ISLR2: variants seen among roughly 807,000 people sequenced by gnomAD.
ISLR2 encodes the protein immunoglobulin superfamily containing leucine-rich repeat protein 2.
In ISLR2, 16 loss-of-function variants were observed where a neutral mutation model predicts 25.5. That is an observed-to-expected ratio of 0.63 (90% confidence interval 0.43 to 0.95). The LOEUF is 0.95. ISLR2 is among the 40% of genes least tolerant of loss of function. The pLI is 0.00. For missense variants in ISLR2, 883 were observed against 1,030.7 expected (o/e 0.86, Z 1.96); for synonymous variants, 508 against 486.6 (o/e 1.04, Z -0.58).
At chr15:74,114,484 G>A (rs2072195265) in intron 2 of ISLR2, among the ~76,000 whole-genome samples, 1 of 152,128 alleles carries the variant, frequency 6.6e-6, no homozygotes, top group African/African-American at 2.4e-5. Context: ...TAGGCCGGGT[G>A]CAGTGGCTCA....
downstream of ISLR2, among the ~76,000 whole-genome samples, chr15:74,137,946 T>A (rs184167710): frequency 5.0e-4 from 76 of 152,250 alleles, no homozygotes; most frequent in African/African-American, 1.8e-3. Flanking sequence ...TTTCTTTCTT[T>A]TTTTTTTATT....
At chr15:74,108,562 C>T (rs943249749) in intron 2 of ISLR2, among the ~76,000 whole-genome samples, 2 of 152,234 alleles carry the variant, frequency 1.3e-5, no homozygotes, top group African/African-American at 2.4e-5. Context: ...CCTGGCTTTC[C>T]TGTGAAAAGT....
chr15:74,125,499 C>T (rs898110745), upstream of ISLR2, among the ~76,000 whole-genome samples: 5 of 152,332 alleles, frequency 3.3e-5, no homozygotes, highest in East Asian at 9.6e-4. Flanking sequence ...CTTGGCATCC[C>T]AAAGTGCTGG....
intron 2 of ISLR2, among the ~76,000 whole-genome samples, chr15:74,106,377 G>C (rs1359395830): frequency 6.6e-6 from 1 of 152,124 alleles, no homozygotes; most frequent in Non-Finnish European, 1.5e-5. Context: ...TGATCATCAT[G>C]CCTTTTTTGC....
upstream of ISLR2, among the ~76,000 whole-genome samples, chr15:74,123,659 A>G (rs543601994): frequency 3.3e-5 from 5 of 152,284 alleles, no homozygotes; most frequent in South Asian, 2.1e-4. Flanking sequence ...TCAACAGTAA[A>G]AGTGCCTCTC....
At chr15:74,118,865 G>A (rs1344678418) in intron 2 of ISLR2, among the ~76,000 whole-genome samples, 1 of 151,952 alleles carries the variant, frequency 6.6e-6, no homozygotes, top group Non-Finnish European at 1.5e-5. Flanking sequence ...CACTGTGTTA[G>A]CCAGGATGGT....
chr15:74,118,180 G>A (rs1046842819), intron 2 of ISLR2, among the ~76,000 whole-genome samples: 1 of 152,084 alleles, frequency 6.6e-6, no homozygotes, highest in Non-Finnish European at 1.5e-5. Flanking sequence ...GGTGTCCGGG[G>A]GAGACATCAC....
At chr15:74,120,592 G>C (rs1380303405) in intron 2 of ISLR2, among the ~76,000 whole-genome samples, 1 of 151,934 alleles carries the variant, frequency 6.6e-6, no homozygotes, top group African/African-American at 2.4e-5. Flanking sequence ...GGTGTGGCTG[G>C]GTTTACGGTG....
At position 74,134,331 on chromosome 15, in the gene ISLR2, C is replaced by T; in HGVS notation, c.1577C>T (p.Pro526Leu). 6.4e-7 allele frequency: 1 copy of T among 1,560,420 alleles called. No individual in the cohort carries two copies. The highest frequency in any genetic ancestry group is 1.4e-5 in the African/African-American group (1 of 73,970). Residue 526 changes from proline (P) to leucine (L), a missense_variant, in exon 3 of 3, where the codon CCC becomes CTC. Pro to Leu is a moderately conservative substitution (Grantham distance 98). Around this residue, in one of 2 missense-constraint regions of ISLR2, gnomAD observed 612 missense variants for 642.8 expected, o/e 0.95. Coordinates refer to ENST00000453268, the MANE Select transcript of ISLR2 (RefSeq NM_020851.3). ...GGAGCCCCGCGACCCGGGCGGCGAC[C>T]CCTGCGCCTACTCTATCTGTGTCCA... ...AGGAPRPGRR[P>L]LRLLYLCPAG... is the part of the protein sequence containing the mutation.
chr15:74,122,119 A>T (rs2072257747), intron 2 of ISLR2, among the ~76,000 whole-genome samples: 1 of 152,212 alleles, frequency 6.6e-6, no homozygotes, highest in Non-Finnish European at 1.5e-5. Context: ...CACAGCCACC[A>T]GGCTTGGCAC....
chr15:74,129,127 GGTGT>G, upstream of ISLR2: 3 of 450,122 alleles, frequency 6.7e-6, no homozygotes, highest in Non-Finnish European at 4.5e-6. The surrounding 1 kb of genome is among the most constrained non-coding windows in gnomAD (Gnocchi z 4.5). Context: ...CCGAGCAGGC[GGTGT>G]GAAGTTCTGT....
At position 74,133,198 on chromosome 15, in the gene ISLR2, C is replaced by T. The variant is rs1389958768; in HGVS notation, c.444C>T (p.Asp148=). Residue 148 remains aspartate (D), a synonymous_variant, in exon 3 of 3, where the codon GAC becomes GAT. Coordinates refer to ENST00000453268, the MANE Select transcript of ISLR2 (RefSeq NM_020851.3). The part of the protein sequence containing the change: ...LPRDALGALP[D]LRSLRINNNR... ...GGGACGCACTCGGTGCGCTACCCGA[C>T]CTGCGTTCCCTGCGCATCAACAACA... 4 of 1,612,998 alleles carry T rather than the reference C, an allele frequency of 2.5e-6. No individual in the cohort carries two copies. The East Asian group carries it at 6.7e-5, about 27-fold the overall frequency.
chr15:74,102,277 G>GA (rs1389300384), intron 1 of ISLR2, among the ~76,000 whole-genome samples: 1 of 113,124 alleles, frequency 8.8e-6, no homozygotes, highest in Non-Finnish European at 1.8e-5. Context: ...TTAAAGAAGA[G>GA]AAAAATGGAT....
In ISLR2 at chr15:74,134,954, C is replaced by G; in HGVS notation, c.2200C>G (p.Gln734Glu). 1.2e-6 allele frequency: 2 copies of G among 1,613,824 alleles called. No individual in the cohort carries two copies. The highest frequency in any genetic ancestry group is 8.5e-7 in the Non-Finnish European group (1 of 1,180,006). ...GGGCGCCGAGGCGGTCAACATCGCCCAGGAGATTAATGGCAACTACAGGCA... is the reference window on the plus strand; with the variant it reads ...GGGCGCCGAGGCGGTCAACATCGCCGAGGAGATTAATGGCAACTACAGGCA... ...PLGAEAVNIA[Q>E]EINGNYRQTA... Residue 734 changes from glutamine (Q) to glutamate (E), a missense_variant, in exon 3 of 3, where the codon CAG (glutamine) becomes GAG (glutamate). Transcript: ENST00000453268.
intron 2 of ISLR2, among the ~76,000 whole-genome samples, chr15:74,111,488 C>T (rs1425706985): frequency 6.6e-6 from 1 of 151,552 alleles, no homozygotes; most frequent in Non-Finnish European, 1.5e-5. Context: ...CAGGGCTTGC[C>T]ATGTTGGCCA....
At chr15:74,121,660 C>T (rs2072253440) in intron 2 of ISLR2, among the ~76,000 whole-genome samples, 1 of 152,224 alleles carries the variant, frequency 6.6e-6, no homozygotes, top group South Asian at 2.1e-4. Flanking sequence ...AGAGAAGTTA[C>T]AGTCCCCTAA....
At chr15:74,118,759 G>A (rs1170136049) in intron 2 of ISLR2, among the ~76,000 whole-genome samples, 1 of 151,954 alleles carries the variant, frequency 6.6e-6, no homozygotes, top group African/African-American at 2.4e-5. Flanking sequence ...CCAGGTTCAT[G>A]CCATTCTCCT....
At chr15:74,130,209 CG>C (rs1254116573), upstream of ISLR2, 2 of 1,246 alleles carry the variant, frequency 1.6e-3, no homozygotes, top group East Asian at 0.026. Context: ...GCAGGCGGGG[CG>C]GGGGGGTTGG....
chr15:74,127,217 C>T (rs1264524316), upstream of ISLR2: 1 of 152,184 alleles, frequency 6.6e-6, no homozygotes, highest in African/African-American at 2.4e-5. Flanking sequence ...TGCACAATGT[C>T]GCATGTCTTA....
Sources: allele counts gnomAD v4.1 joint callset (sites outside exome capture counted in the v4.1 genomes callset), GRCh38; gene constraint gnomAD v4.1.1; regional missense constraint gnomAD v4.1.1; non-coding constraint Gnocchi (gnomAD v3.1); transcripts MANE v1.5; gene names NCBI Gene and HGNC (gene_info 2026-07-23, HGNC 2026-07-21).